IRAG2: variants seen among roughly 807,000 people sequenced by gnomAD.
IRAG2 encodes the protein lymphoid restricted membrane protein.
A neutral mutation model predicts 69.9 loss-of-function variants in IRAG2; 45 were observed. That is an observed-to-expected ratio of 0.64 (90% CI 0.51 to 0.83). The LOEUF (loss-of-function observed/expected upper bound fraction) is 0.83, where lower values mean the gene tolerates loss of function less well. IRAG2 is among the 40% of genes least tolerant of loss of function. IRAG2 has a pLI of 0.00. For synonymous variants in IRAG2, 193 were observed against 202.4 expected (o/e 0.95, Z 0.40); for missense variants, 520 against 587.0 (o/e 0.89, Z 1.18).
upstream of IRAG2, among the ~76,000 whole-genome samples, chr12:25,000,003 C>G (rs1944379736): frequency 6.6e-6 from 1 of 152,140 alleles, no homozygotes; most frequent in African/African-American, 2.4e-5. Flanking sequence ...GCTCTAGTGG[C>G]TTACTTGTTC....
chr12:25,101,921 T>C, intron 16 of IRAG2: 1 of 628,514 alleles, frequency 1.6e-6, no homozygotes, highest in South Asian at 1.5e-5. Context: ...ACTGTACTTT[T>C]GGATTCCTTT....
At chr12:25,069,608 C>G (rs962457243) in intron 6 of IRAG2, among the ~76,000 whole-genome samples, 177 bp downstream of exon 6, 1 of 152,146 alleles carries the variant, frequency 6.6e-6, no homozygotes, top group Non-Finnish European at 1.5e-5. Flanking sequence ...CCTTTGAAGT[C>G]AAGAAATTAA....
intron 4 of IRAG2, among the ~76,000 whole-genome samples, chr12:25,065,054 C>T (rs943486046): frequency 6.6e-6 from 1 of 150,994 alleles, no homozygotes; most frequent in African/African-American, 2.4e-5. Flanking sequence ...TGTACCATCA[C>T]ATTCCAGCCT....
intron 3 of IRAG2, chr12:25,015,088 GAAAAAAAA>G: frequency 0.018 from 928 of 50,892 alleles, 13 homozygotes; most frequent in East Asian, 0.048. Context: ...GCATAAATCT[GAAAAAAAA>G]AAAAAAAAAA....
In IRAG2 at chr12:25,059,797, C is replaced by T. The variant is rs563321094; in HGVS notation, c.-446-1795C>T. Among the ~76,000 whole-genome samples the T allele has an allele frequency of 2.4e-4, 36 of 152,102 alleles. No individual in the cohort carries two copies. In the South Asian group the frequency reaches 7.5e-3, roughly 32 times the overall value. ...AAGTTATTTTTACCAAAAAAAAGTCCTATAAAATAAAAAATTTACATAGGT... is the reference window on the plus strand; with the variant it reads ...AAGTTATTTTTACCAAAAAAAAGTCTTATAAAATAAAAAATTTACATAGGT... On this transcript the variant is annotated intron_variant, in intron 1 of 21. Transcript: ENST00000556887.
At chr12:25,047,511 T>C (rs1399339885), upstream of IRAG2, among the ~76,000 whole-genome samples, 1 of 152,228 alleles carries the variant, frequency 6.6e-6, no homozygotes, top group African/African-American at 2.4e-5. Flanking sequence ...GCAGGTTTAT[T>C]GCATAGGTAA....
chr12:25,043,788 A>AT lies in IRAG2; in HGVS notation c.2144+5657dup, dbSNP rs1423639959. ...TATGTGAAGACTGGGAGAGTTGGCT[A>AT]TTTTTTCTAATGCATAGTTAAAAAG... On this transcript the variant is annotated intron_variant, in intron 16 of 38. Transcript: ENST00000636465. Among the ~76,000 whole-genome samples the AT allele has an allele frequency of 2.6e-5, 4 of 152,290 alleles. No homozygotes were observed. The East Asian group carries it at 7.7e-4, about 29-fold the overall frequency.
At chr12:25,025,962 G>A (rs1944618395) in intron 8 of IRAG2, among the ~76,000 whole-genome samples, 1 of 152,150 alleles carries the variant, frequency 6.6e-6, no homozygotes, top group African/African-American at 2.4e-5. Context: ...TAAAGGGCCT[G>A]ATTGTAAATA....
At chr12:25,002,969 G>A (rs1357986072), upstream of IRAG2, among the ~76,000 whole-genome samples, 2 of 152,182 alleles carry the variant, frequency 1.3e-5, no homozygotes, top group Non-Finnish European at 2.9e-5. Context: ...TAGAGGGAAA[G>A]AAGGGTATTG....
intron 16 of IRAG2, among the ~76,000 whole-genome samples, chr12:25,041,177 G>T (rs1460686702): frequency 6.6e-6 from 1 of 152,066 alleles, no homozygotes; most frequent in African/African-American, 2.4e-5. Context: ...GCAAGAAGCC[G>T]CCATGGCTGG....
intron 10 of IRAG2, chr12:25,031,071 T>C: frequency 1.0e-6 from 1 of 985,214 alleles, no homozygotes; most frequent in East Asian, 1.1e-4. Flanking sequence ...ACAGCCTCAG[T>C]CAATAATCTT....
chr12:25,108,158 C>A lies in IRAG2; in HGVS notation c.*98C>A. On this transcript the variant is annotated 3_prime_UTR_variant, in exon 22 of 22. Transcript: ENST00000556887. ...TAGCTGGGAAAGTATAGCATGAAAC[C>A]AGAGGTTCTCAGAATGACTGTAAGA... is the stretch of plus-strand genomic sequence containing the variant. 1 of 1,327,614 alleles carries A rather than the reference C, an allele frequency of 7.5e-7. No individual in the cohort carries two copies. Among genetic ancestry groups the A allele is most frequent in the Non-Finnish European group, 1.0e-6 (1 of 966,912 alleles). The allele number at this position is 1,327,614 out of a possible 1,614,324, so 82.2% of individuals were successfully genotyped here. A position where few individuals can be genotyped will look rare whatever the true frequency, so the allele number is the denominator to read the frequency against.
upstream of IRAG2, chr12:25,052,204 CTTTTTTTT>C (rs10690368): frequency 4.3e-5 from 12 of 276,904 alleles, no homozygotes; most frequent in Admixed American, 7.1e-5. Context: ...GCGGTTTGGA[CTTTTTTTT>C]TTTTTTTTTT....
chr12:25,002,807 A>G (rs1565523278), upstream of IRAG2, among the ~76,000 whole-genome samples: 2 of 152,040 alleles, frequency 1.3e-5, no homozygotes, highest in East Asian at 3.9e-4. Context: ...ATGCCCAGCT[A>G]ATTTTTGTAT....
chr12:25,059,951 T>C (rs1945515487), intron 1 of IRAG2, among the ~76,000 whole-genome samples: 1 of 152,312 alleles, frequency 6.6e-6, no homozygotes, highest in Admixed American at 6.5e-5. Context: ...GATATAAAAC[T>C]GTTGGTTTAT....
At chr12:25,052,225 T>TTTA (rs1944894380), upstream of IRAG2, 1 of 391,624 alleles carries the variant, frequency 2.6e-6, no homozygotes, top group Non-Finnish European at 4.5e-6. Context: ...TTTTTTTTTT[T>TTTA]TAACTCCAGT....
chr12:25,108,151 A>G lies in IRAG2; in HGVS notation c.*91A>G. 1 of 1,410,782 alleles carries G rather than the reference A, an allele frequency of 7.1e-7. No homozygotes were observed. Among genetic ancestry groups the G allele is most frequent in the Non-Finnish European group, 9.7e-7 (1 of 1,034,618 alleles). 87.4% of individuals were successfully genotyped at this position (1,410,782 alleles called of 1,614,324 possible). On this transcript the variant is annotated 3_prime_UTR_variant, in exon 22 of 22. Coordinates refer to ENST00000556887, the MANE Select transcript of IRAG2 (RefSeq NM_001366544.2). ...TAACTTTTAGCTGGGAAAGTATAGCATGAAACCAGAGGTTCTCAGAATGAC... is the reference window on the plus strand; with the variant it reads ...TAACTTTTAGCTGGGAAAGTATAGCGTGAAACCAGAGGTTCTCAGAATGAC...
intron 17 of IRAG2, 136 bp from the exon 18 acceptor site, chr12:25,103,701 A>G: frequency 1.6e-6 from 1 of 608,096 alleles, no homozygotes; most frequent in Non-Finnish European, 2.8e-6. Flanking sequence ...CCACAAGAGG[A>G]TCCTTTAAGA....
At chr12:25,043,401 A>G (rs2139863641) in intron 16 of IRAG2, among the ~76,000 whole-genome samples, 1 of 152,172 alleles carries the variant, frequency 6.6e-6, no homozygotes, top group South Asian at 2.1e-4. Flanking sequence ...GGGACCTGGC[A>G]TACTCTAGAT....
Sources: gnomAD v4.1 joint callset for allele counts (sites outside exome capture counted in the v4.1 genomes callset) on GRCh38, gnomAD v4.1.1 for gene constraint, MANE v1.5 for transcripts, NCBI Gene and HGNC (gene_info 2026-07-23, HGNC 2026-07-21) for gene names.